CCDC83: variants seen among roughly 807,000 people sequenced by gnomAD.
CCDC83 encodes the protein coiled-coil domain-containing protein 83.
CCDC83 carries 54 observed loss-of-function variants against 50.1 expected under a neutral mutation model. That is an observed-to-expected ratio of 1.08 (90% confidence interval 0.87 to 1.35). The LOEUF is 1.35. CCDC83 is among the 40% of genes most tolerant of loss of function. The pLI is 0.00. For synonymous variants in CCDC83, 161 were observed against 153.3 expected, an observed-to-expected ratio of 1.05 and a Z score of -0.37; for missense variants, 518 against 473.9, an observed-to-expected ratio of 1.09 and a Z score of -0.86.
At chr11:85,871,374 C>A (rs188004630) in intron 2 of CCDC83, among the ~76,000 whole-genome samples, 1 of 152,252 alleles carries the variant, frequency 6.6e-6, no homozygotes, top group Non-Finnish European at 1.5e-5. Context: ...CCTTAGAGAA[C>A]TGGAAAACCA....
intron 5 of CCDC83, among the ~76,000 whole-genome samples, chr11:85,887,259 A>G (rs1307183717): frequency 6.6e-6 from 1 of 152,202 alleles, no homozygotes; most frequent in Non-Finnish European, 1.5e-5. Flanking sequence ...ATAGCAGCTT[A>G]AAAGAACACC....
At chr11:85,864,428 A>G (rs771546087) in intron 1 of CCDC83, among the ~76,000 whole-genome samples, 1 of 152,190 alleles carries the variant, frequency 6.6e-6, no homozygotes, top group Non-Finnish European at 1.5e-5. Flanking sequence ...TACTATAAAC[A>G]TCTGTGAACA....
chr11:85,855,882 A>G (rs1415228651), intron 1 of CCDC83, among the ~76,000 whole-genome samples: 1 of 152,106 alleles, frequency 6.6e-6, no homozygotes, highest in Non-Finnish European at 1.5e-5. Context: ...AGGACCTCAC[A>G]TACTCTTGCA....
At position 85,919,385 on chromosome 11, in the gene CCDC83, A is replaced by T; in HGVS notation, c.1117A>T (p.Met373Leu). The change falls in exon 11 of 11, where the codon ATG (methionine) becomes TTG (leucine). Residue 373 changes from methionine to leucine, a missense_variant. Physicochemically the swap from Met to Leu is conservative, Grantham distance 15. Coordinates refer to ENST00000342404, the MANE Select transcript of CCDC83 (RefSeq NM_001286159.2). The stretch of plus-strand genomic sequence containing the variant: ...CTTGGGCCCCCTGGGAGTGAAGCTT[A>T]TGAGTGTGGAGAGCAAGAAAATGCC... ...VNLGPLGVKL[M>L]SVESKKMPIH... 1 of 1,613,146 alleles carries T rather than the reference A, an allele frequency of 6.2e-7. No individual in the cohort carries two copies. Among genetic ancestry groups the T allele is most frequent in the Non-Finnish European group, 8.5e-7 (1 of 1,179,728 alleles).
At chr11:85,859,791 C>T (rs1457285007) in intron 1 of CCDC83, among the ~76,000 whole-genome samples, 1 of 152,104 alleles carries the variant, frequency 6.6e-6, no homozygotes, top group Non-Finnish European at 1.5e-5. Context: ...TTCCCAAAAG[C>T]AACTGCAACA....
intron 6 of CCDC83, 88 bp downstream of exon 6, chr11:85,895,472 G>T: frequency 1.4e-6 from 1 of 732,664 alleles, no homozygotes; most frequent in South Asian, 1.9e-5. Context: ...TAAGAACTTT[G>T]GATAGATTCT....
At chr11:85,890,184 G>T (rs898371930) in intron 5 of CCDC83, among the ~76,000 whole-genome samples, 10 of 152,172 alleles carry the variant, frequency 6.6e-5, no homozygotes, top group African/African-American at 1.9e-4. Context: ...TCTAGTTTAT[G>T]ACTCATCCCT....
intron 8 of CCDC83, among the ~76,000 whole-genome samples, chr11:85,914,455 T>A (rs1201569865): frequency 6.6e-6 from 1 of 152,170 alleles, no homozygotes; most frequent in African/African-American, 2.4e-5. Flanking sequence ...CATATGGACA[T>A]CAGTTCGCTG....
chr11:85,871,186 C>A (rs1391583005), intron 2 of CCDC83, among the ~76,000 whole-genome samples: 1 of 152,002 alleles, frequency 6.6e-6, no homozygotes, highest in Non-Finnish European at 1.5e-5. Context: ...AACAAACAAA[C>A]AAACAATCTC....
At chr11:85,881,369 T>C (rs2093299153) in intron 3 of CCDC83, among the ~76,000 whole-genome samples, 1 of 143,922 alleles carries the variant, frequency 6.9e-6, no homozygotes, top group Non-Finnish European at 1.5e-5. Flanking sequence ...CAAGACTCCA[T>C]CCCCCCCCAA....
At chr11:85,883,500 G>A (rs987511636) in intron 4 of CCDC83, among the ~76,000 whole-genome samples, 18 of 152,106 alleles carry the variant, frequency 1.2e-4, no homozygotes, top group Admixed American at 1.1e-3. Context: ...GACACTAGGT[G>A]CAGGCAATGA....
At chr11:85,900,070 C>T (rs1040678243) in intron 7 of CCDC83, among the ~76,000 whole-genome samples, 2 of 152,030 alleles carry the variant, frequency 1.3e-5, no homozygotes, top group Non-Finnish European at 2.9e-5. Flanking sequence ...TTGGGCCAGA[C>T]GTTACAAGAG....
intron 10 of CCDC83, 55 bp from the exon 11 acceptor site, chr11:85,919,294 G>C: frequency 6.7e-7 from 1 of 1,481,732 alleles, no homozygotes; most frequent in Non-Finnish European, 9.1e-7. Flanking sequence ...AATCTATCAA[G>C]CTGGTAATTT....
At chr11:85,874,214 G>A (rs1426947143) in intron 3 of CCDC83, among the ~76,000 whole-genome samples, 2 of 152,150 alleles carry the variant, frequency 1.3e-5, no homozygotes, top group Non-Finnish European at 1.5e-5. Context: ...ACACTATCAC[G>A]ATTCTTAAGG....
intron 2 of CCDC83, among the ~76,000 whole-genome samples, chr11:85,867,138 A>G (rs1324351700): frequency 6.6e-6 from 1 of 152,088 alleles, no homozygotes; most frequent in Non-Finnish European, 1.5e-5. Flanking sequence ...TCATTGCAGT[A>G]TCAAACTCCT....
At chr11:85,919,026 G>A (rs1478477108) in intron 10 of CCDC83, among the ~76,000 whole-genome samples, 3 of 152,086 alleles carry the variant, frequency 2.0e-5, no homozygotes, top group African/African-American at 4.8e-5. Flanking sequence ...TCCTTTCACA[G>A]ACTATAGTTA....
At chr11:85,906,771 G>T (rs886658609) in intron 7 of CCDC83, among the ~76,000 whole-genome samples, 6 of 145,900 alleles carry the variant, frequency 4.1e-5, no homozygotes, top group African/African-American at 1.5e-4. Flanking sequence ...TGTGGTCCCA[G>T]CTACTTATGA....
chr11:85,889,974 TAGAG>T (rs1451924213), intron 5 of CCDC83, among the ~76,000 whole-genome samples: 2 of 152,138 alleles, frequency 1.3e-5, no homozygotes, highest in African/African-American at 4.8e-5. Flanking sequence ...TACAAGAAGT[TAGAG>T]AGGCCAGGAA....
At chr11:85,857,234 A>T (rs867627409) in intron 1 of CCDC83, among the ~76,000 whole-genome samples, 7 of 152,312 alleles carry the variant, frequency 4.6e-5, no homozygotes, top group South Asian at 4.1e-4. Context: ...GGGCACGCGC[A>T]TCACCAGTTG....
Sources: gnomAD v4.1 joint callset for allele counts (sites outside exome capture counted in the v4.1 genomes callset) on GRCh38, gnomAD v4.1.1 for gene constraint, MANE v1.5 for transcripts, NCBI Gene and HGNC (gene_info 2026-07-23, HGNC 2026-07-21) for gene names.